SMCHD1: variants seen among roughly 807,000 people sequenced by gnomAD.
SMCHD1 encodes structural maintenance of chromosomes flexible hinge domain containing 1, also known as structural maintenance of chromosomes flexible hinge domain-containing protein 1.
Under a neutral mutation model 254.7 loss-of-function variants are expected in SMCHD1, and 78 were observed. The observed-to-expected ratio is 0.31, with a 90% CI of 0.26 to 0.37. The LOEUF (loss-of-function observed/expected upper bound fraction) is 0.37. SMCHD1 is among the 10% of genes least tolerant of loss of function. The pLI, the probability that SMCHD1 is intolerant of heterozygous loss-of-function variation, is 1.00. For synonymous variants in SMCHD1, 766 were observed against 794.9 expected, an observed-to-expected ratio of 0.96 and a Z score of 0.61; for missense variants, 1,840 against 2,408.1, an observed-to-expected ratio of 0.76 and a Z score of 4.94.
chr18:2,689,387 T>G (rs1456857498), intron 7 of SMCHD1, among the ~76,000 whole-genome samples: 1 of 151,774 alleles, frequency 6.6e-6, no homozygotes, highest in Admixed American at 6.6e-5. Flanking sequence ...CCTGCTAATT[T>G]TTTTTGTAGT....
At chr18:2,756,745 C>T (rs971407845) in intron 34 of SMCHD1, among the ~76,000 whole-genome samples, 3 of 152,094 alleles carry the variant, frequency 2.0e-5, no homozygotes, top group Non-Finnish European at 4.4e-5. Flanking sequence ...TAGGCATGCA[C>T]CACCACTGTC....
At chr18:2,661,058 C>T (rs551787935) in intron 1 of SMCHD1, among the ~76,000 whole-genome samples, 227 of 152,276 alleles carry the variant, frequency 1.5e-3, no homozygotes, top group African/African-American at 5.1e-3. Flanking sequence ...AGCCATCATT[C>T]TCAGCAAACT....
intron 14 of SMCHD1, 92 bp from the exon 15 acceptor site, chr18:2,706,272 T>C (rs1222946554): frequency 1.2e-6 from 1 of 800,326 alleles, no homozygotes; most frequent in Non-Finnish European, 2.0e-6. Flanking sequence ...GGATAAAATA[T>C]ATTTCTTTGG....
At chr18:2,789,153 C>G (rs1399417421) in intron 45 of SMCHD1, among the ~76,000 whole-genome samples, 1 of 152,044 alleles carries the variant, frequency 6.6e-6, no homozygotes, top group African/African-American at 2.4e-5. Flanking sequence ...TTTCGAATAG[C>G]TGGGACTACA....
chr18:2,752,800 T>G (rs1308607499), intron 34 of SMCHD1: 1 of 369,964 alleles, frequency 2.7e-6, no homozygotes, highest in Non-Finnish European at 4.9e-6. Context: ...GAAGAATTCT[T>G]TTATGTTGTC....
rs1232798228 is a variant in SMCHD1, at chr18:2,750,380, C to T, written c.4038C>T (p.Ile1346=). The T allele has an allele frequency of 3.7e-6, 6 of 1,612,676 alleles. No individual in the cohort carries two copies. The highest frequency in any genetic ancestry group is 5.1e-6 in the Non-Finnish European group (6 of 1,179,144). Residue 1346 remains isoleucine (I), a synonymous_variant, in exon 32 of 48, where the codon ATC becomes ATT. Coordinates refer to ENST00000320876, the MANE Select transcript of SMCHD1 (RefSeq NM_015295.3). ...RGEHTLQVKA[I]YNKSIIEGPI... ...AGCATACTCTTCAGGTTAAAGCCAT[C>T]TATAACAAAAGTATCATAGAAGGAC...
rs1455940865 is a variant in SMCHD1 at position 2,792,743 on chromosome 18, T to G, written c.5720-3206T>G. 2.0e-5 allele frequency among the ~76,000 whole-genome samples: 3 copies of G among 152,340 alleles called. No individual in the cohort carries two copies. In the East Asian group the frequency reaches 5.8e-4, roughly 29 times the overall value. On this transcript the variant is annotated intron_variant, in intron 45 of 47. Coordinates refer to ENST00000320876, the MANE Select transcript of SMCHD1 (RefSeq NM_015295.3). ...TAATACTGTCAATATTTCAGTCAAT[T>G]ATGATGGTTTTTTAAATAAAGCTAT...
At chr18:2,771,742 C>T (rs1349268918) in intron 40 of SMCHD1, 124 bp downstream of exon 40, 11 of 654,574 alleles carry the variant, frequency 1.7e-5, no homozygotes, top group Admixed American at 3.9e-5. Context: ...CGTGCATTAT[C>T]GTCACTAGAC....
At chr18:2,690,821 C>T (rs1167883263) in intron 7 of SMCHD1, among the ~76,000 whole-genome samples, 1 of 151,824 alleles carries the variant, frequency 6.6e-6, no homozygotes, top group Non-Finnish European at 1.5e-5. Context: ...GCATGTATTT[C>T]AAAACTGCTT....
chr18:2,783,863 A>G (rs1198146060), intron 44 of SMCHD1, among the ~76,000 whole-genome samples: 2 of 151,948 alleles, frequency 1.3e-5, no homozygotes, highest in Non-Finnish European at 2.9e-5. Context: ...GAGCCACCAC[A>G]CCTGACATTA....
At chr18:2,706,848 A>G (rs950211723) in intron 15 of SMCHD1, among the ~76,000 whole-genome samples, 6 of 152,204 alleles carry the variant, frequency 3.9e-5, no homozygotes, top group Non-Finnish European at 8.8e-5. Flanking sequence ...TGGGTAATTT[A>G]TAAAGCAAGG....
intron 44 of SMCHD1, among the ~76,000 whole-genome samples, chr18:2,781,627 A>G (rs2076157987): frequency 6.6e-6 from 1 of 152,220 alleles, no homozygotes; most frequent in South Asian, 2.1e-4. Flanking sequence ...ATAGTTGATT[A>G]ATATAGTTCA....
chr18:2,671,094 A>G (rs2073585812), intron 3 of SMCHD1, among the ~76,000 whole-genome samples: 1 of 151,108 alleles, frequency 6.6e-6, no homozygotes, highest in Non-Finnish European at 1.5e-5. Flanking sequence ...GCACCACCAC[A>G]CCTGGCTAAT....
At chr18:2,796,325 TTA>T in intron 46 of SMCHD1, 80 bp from the exon 47 acceptor site, 1 of 942,088 alleles carries the variant, frequency 1.1e-6, no homozygotes, top group Non-Finnish European at 1.6e-6. Flanking sequence ...TTTCTATAAA[TTA>T]TGACATATTC....
chr18:2,783,823 G>C (rs888116839), intron 44 of SMCHD1, among the ~76,000 whole-genome samples: 2 of 151,970 alleles, frequency 1.3e-5, no homozygotes, highest in Admixed American at 6.6e-5. Flanking sequence ...TGCCCACCTT[G>C]GCCTCCCAAA....
intron 5 of SMCHD1, among the ~76,000 whole-genome samples, chr18:2,678,657 C>A (rs189106289): frequency 1.4e-4 from 21 of 152,056 alleles, no homozygotes; most frequent in Non-Finnish European, 2.5e-4. Flanking sequence ...ACCTTATTTT[C>A]TGTTTATTTC....
In SMCHD1 at chr18:2,769,748, G is replaced by A; in HGVS notation, c.4774G>A (p.Val1592Ile). The change falls in exon 38 of 48, where the codon GTA becomes ATA. Residue 1592 changes from valine (V) to isoleucine (I), a missense_variant. This residue lies in a region of SMCHD1 where 881 missense variants were observed against 1,009.5 expected (regional missense o/e 0.87). Coordinates refer to ENST00000320876, the MANE Select transcript of SMCHD1 (RefSeq NM_015295.3). ...PGRDSTEYFI[V>I]FEPRLPLLSR... is the part of the protein sequence containing the mutation. ...AAGGGATAGTACTGAATATTTTATT[G>A]TATTTGAGCCCCGGCTACCACTTTT... 1 of 1,602,640 alleles carries A rather than the reference G, an allele frequency of 6.2e-7. No homozygotes were observed. Among genetic ancestry groups the A allele is most frequent in the Non-Finnish European group, 8.5e-7 (1 of 1,173,456 alleles).
intron 8 of SMCHD1, among the ~76,000 whole-genome samples, chr18:2,696,614 A>G (rs182695059): frequency 6.6e-6 from 1 of 152,288 alleles, no homozygotes; most frequent in Non-Finnish European, 1.5e-5. Context: ...TTGAGATTAG[A>G]TACCTAATCC....
At chr18:2,756,636 C>G (rs2075684806) in intron 34 of SMCHD1, among the ~76,000 whole-genome samples, 1 of 152,070 alleles carries the variant, frequency 6.6e-6, no homozygotes, top group African/African-American at 2.4e-5. Flanking sequence ...CGCTCTGTTT[C>G]CCAGGCTGGA....
Sources: gnomAD v4.1 joint callset for allele counts (sites outside exome capture counted in the v4.1 genomes callset) on GRCh38, gnomAD v4.1.1 for gene constraint, gnomAD v4.1.1 regional missense constraint, MANE v1.5 for transcripts, NCBI Gene and HGNC (gene_info 2026-07-23, HGNC 2026-07-21) for gene names.